The following PMS1 variants were observed in gnomAD, a reference collection of about 807,000 sequenced individuals.
PMS1 encodes PMS1 homolog 1, mismatch repair system component.
PMS1 carries 79 observed loss-of-function variants against 93.1 expected under a neutral mutation model. The ratio of observed to expected loss-of-function variants is 0.85; its 90% CI spans 0.71 to 1.02. The LOEUF (loss-of-function observed/expected upper bound fraction) is 1.02. Among genes scored for constraint, PMS1 ranks in the 50% least tolerant of loss-of-function variants. The probability of loss-of-function intolerance (pLI) is 0.00; values close to 1 mark genes in which losing one functional copy is unlikely to be tolerated. For missense variants in PMS1, 1,064 were observed against 1,085.3 expected, an observed-to-expected ratio of 0.98 and a Z score of 0.28; for synonymous variants, 335 against 363.4, an observed-to-expected ratio of 0.92 and a Z score of 0.89.
At chr2:189,835,213 G>C (rs2053279797) in intron 5 of PMS1, among the ~76,000 whole-genome samples, 1 of 152,124 alleles carries the variant, frequency 6.6e-6, no homozygotes, top group Admixed American at 6.6e-5. Flanking sequence ...TTCAAGAAAA[G>C]AATATAAAAT....
chr2:189,847,512 T>G (rs1043714377), intron 6 of PMS1, among the ~76,000 whole-genome samples: 1 of 152,180 alleles, frequency 6.6e-6, no homozygotes, highest in African/African-American at 2.4e-5. Context: ...TTTATTGCTT[T>G]TTTATACATA....
intron 5 of PMS1, among the ~76,000 whole-genome samples, chr2:189,823,543 T>G (rs1042192685): frequency 6.6e-6 from 1 of 152,166 alleles, no homozygotes; most frequent in African/African-American, 2.4e-5. Context: ...ACTTGAATCT[T>G]TTCTTGCATT....
intron 6 of PMS1, among the ~76,000 whole-genome samples, chr2:189,847,981 G>A (rs1164410540): frequency 2.0e-5 from 3 of 152,144 alleles, no homozygotes; most frequent in African/African-American, 4.8e-5. Flanking sequence ...GGAAAATTCA[G>A]GCCAACCTTA....
rs143804563 is a variant in PMS1 at position 189,815,221 on chromosome 2, C to T, written c.419-2796C>T. Among the ~76,000 whole-genome samples, 183 of 152,104 alleles carry T rather than the reference C, an allele frequency of 1.2e-3. 2 individuals carry two copies. Among genetic ancestry groups the T allele is most frequent in the African/African-American group, 4.0e-3 (164 of 41,494 alleles). On this transcript the variant is annotated intron_variant, in intron 4 of 12. Transcript: ENST00000441310. ...AAACAATTCTGATGTCCTCTAGGAA[C>T]AGAAGGAAGGACATCGGTAGGAGAG...
At chr2:189,863,258 G>GT (rs763514498) in intron 9 of PMS1, among the ~76,000 whole-genome samples, 3,553 of 141,360 alleles carry the variant, frequency 0.025, 72 homozygotes, top group Admixed American at 0.051. Context: ...TTTTTTTTTG[G>GT]TTTTTTTTTT....
At chr2:189,862,327 A>G (rs2056104378) in intron 9 of PMS1, among the ~76,000 whole-genome samples, 1 of 151,776 alleles carries the variant, frequency 6.6e-6, no homozygotes, top group South Asian at 2.1e-4. Flanking sequence ...CTTCCACTGT[A>G]TTTTTTTTAT....
intron 2 of PMS1, among the ~76,000 whole-genome samples, chr2:189,794,402 A>G (rs999638517): frequency 6.6e-6 from 1 of 152,226 alleles, no homozygotes; most frequent in African/African-American, 2.4e-5. Context: ...TGCATGAGCC[A>G]CTGTGCCCAG....
At chr2:189,805,917 C>A in intron 4 of PMS1, 163 bp downstream of exon 4, 4 of 1,521,396 alleles carry the variant, frequency 2.6e-6, no homozygotes, top group South Asian at 2.5e-5. Context: ...ATTCTAGCCA[C>A]CAATTTCTTA....
chr2:189,794,757 A>G (rs906775717), intron 2 of PMS1, among the ~76,000 whole-genome samples: 2 of 152,148 alleles, frequency 1.3e-5, no homozygotes, highest in Non-Finnish European at 1.5e-5. Context: ...TTATATATGT[A>G]TATTTTTAGT....
At chr2:189,819,293 G>T (rs1422877740) in intron 5 of PMS1, among the ~76,000 whole-genome samples, 2 of 152,038 alleles carry the variant, frequency 1.3e-5, no homozygotes, top group African/African-American at 2.4e-5. Context: ...TATGTTGATG[G>T]CACTTAAGTT....
chr2:189,849,821 G>A (rs920509313), intron 6 of PMS1, among the ~76,000 whole-genome samples: 4 of 148,178 alleles, frequency 2.7e-5, no homozygotes, highest in Non-Finnish European at 3.0e-5. Flanking sequence ...GTTCTTTCTT[G>A]TGACTCTGGC....
At position 189,853,987 on chromosome 2, in the gene PMS1, T is replaced by C. The variant is rs918040586; in HGVS notation, c.871T>C (p.Leu291=). The C allele has an allele frequency of 1.9e-6, 3 of 1,608,300 alleles. No individual in the cohort carries two copies. The highest frequency in any genetic ancestry group is 1.7e-6 in the Non-Finnish European group (2 of 1,176,526). Residue 291 remains leucine, a synonymous_variant, in exon 8 of 13, where the codon TTG becomes CTG. Coordinates refer to ENST00000441310, the MANE Select transcript of PMS1 (RefSeq NM_000534.5). Reference sequence around the variant, plus strand: ...GAAATGCCTAAAGGAATCTACTCGTTTGTATCCTGTTTTCTTTCTGAAAAT... The same window carrying C: ...GAAATGCCTAAAGGAATCTACTCGTCTGTATCCTGTTTTCTTTCTGAAAAT... ...NLKCLKESTR[L]YPVFFLKIDV...
At chr2:189,806,430 C>G in intron 4 of PMS1, 1 of 320,808 alleles carries the variant, frequency 3.1e-6, no homozygotes, top group Non-Finnish European at 6.0e-6. Flanking sequence ...CAGGGTCTCA[C>G]TCTGTCACAC....
intron 5 of PMS1, among the ~76,000 whole-genome samples, chr2:189,836,863 C>T (rs2053424928): frequency 6.6e-6 from 1 of 152,136 alleles, no homozygotes; most frequent in South Asian, 2.1e-4. Flanking sequence ...GACCGATTTC[C>T]TGAAGTGATC....
Position 189,791,455 on chromosome 2 carries a change from A to G in PMS1, c.-20-335A>G, listed in dbSNP as rs369739982. Among the ~76,000 whole-genome samples the G allele has an allele frequency of 4.6e-5, 7 of 152,040 alleles. No homozygotes were observed. In the East Asian group the frequency reaches 9.6e-4, roughly 21 times the overall value. Reference sequence around the variant, plus strand: ...ACCAACTTGGCAAAACCCCATTTCTACTAAAAATGTAAAAATTAGCCAGGT... The same window carrying G: ...ACCAACTTGGCAAAACCCCATTTCTGCTAAAAATGTAAAAATTAGCCAGGT... On this transcript the variant is annotated intron_variant, in intron 1 of 12. Coordinates refer to ENST00000441310, the MANE Select transcript of PMS1 (RefSeq NM_000534.5).
intron 10 of PMS1, among the ~76,000 whole-genome samples, chr2:189,864,735 T>TATATATA (rs2056488238): frequency 1.0e-5 from 1 of 97,800 alleles, no homozygotes; most frequent in Non-Finnish European, 2.0e-5. Context: ...TATATATATA[T>TATATATA]GATTTCTAAT....
chr2:189,801,798 A>T (rs1484186430), intron 3 of PMS1, among the ~76,000 whole-genome samples: 1 of 152,122 alleles, frequency 6.6e-6, no homozygotes, highest in Non-Finnish European at 1.5e-5. Flanking sequence ...CAGTGTCTTG[A>T]ATATTGTGTA....
chr2:189,841,236 A>G (rs1380682240), intron 5 of PMS1, among the ~76,000 whole-genome samples: 2 of 152,208 alleles, frequency 1.3e-5, no homozygotes, highest in Non-Finnish European at 2.9e-5. Flanking sequence ...CCTACCTGAA[A>G]TGATTGTGAA....
In PMS1 at chr2:189,864,072, A is replaced by G. The variant is rs201205478; in HGVS notation, c.2186A>G (p.Asn729Ser). The G allele has an allele frequency of 1.0e-4, 168 of 1,613,626 alleles. 3 individuals carry two copies. The highest frequency in any genetic ancestry group is 2.9e-4 in the South Asian group (26 of 91,068). ...AAGGATGAACCTTGCTTGATCCACA[A>G]TCTCAGGTTTCCTGATGCATGGCTA... The part of the protein sequence containing the change: ...EEKDEPCLIH[N>S]LRFPDAWLMT... Residue 729 changes from asparagine (N) to serine (S), a missense_variant, in exon 10 of 13, where the codon AAT (asparagine) becomes AGT (serine). Asn to Ser is a conservative substitution (Grantham distance 46). Coordinates refer to ENST00000441310, the MANE Select transcript of PMS1 (RefSeq NM_000534.5).
Sources: allele counts gnomAD v4.1 joint callset (sites outside exome capture counted in the v4.1 genomes callset), GRCh38; gene constraint gnomAD v4.1.1; transcripts MANE v1.5; gene names NCBI Gene and HGNC (gene_info 2026-07-23, HGNC 2026-07-21).